CLEC5A: variants seen among roughly 807,000 people sequenced by gnomAD.
CLEC5A encodes C-type lectin domain containing 5A.
Under a neutral mutation model 24.4 loss-of-function variants are expected in CLEC5A, and 15 were observed. The ratio of observed to expected loss-of-function variants is 0.62; its 90% CI spans 0.41 to 0.95. The LOEUF is 0.95. Ranked by LOEUF, CLEC5A falls within the 40% of genes least tolerant of loss-of-function variation. The pLI is 0.00. For missense variants in CLEC5A, 211 were observed against 224.0 expected (o/e 0.94, Z 0.37); for synonymous variants, 71 against 72.6 (o/e 0.98, Z 0.11).
chr7:141,931,384 A>G, intron 6 of CLEC5A: 2 of 381,146 alleles, frequency 5.2e-6, no homozygotes, highest in Non-Finnish European at 9.3e-6. Flanking sequence ...TTTTTTGATC[A>G]GTCAGAAATG....
intron 4 of CLEC5A, among the ~76,000 whole-genome samples, chr7:141,943,073 G>A (rs776676187): frequency 1.1e-4 from 17 of 152,112 alleles, no homozygotes; most frequent in Non-Finnish European, 2.2e-4. Context: ...ACACTCTTAA[G>A]TATAGGCCCA....
At position 141,929,790 on chromosome 7, in the gene CLEC5A, G is replaced by A. The variant is rs533857263; in HGVS notation, c.*314C>T. The stretch of plus-strand genomic sequence containing the variant: ...CTCACTCTACAGTTACTCCCTAGTA[G>A]TATGGTATACTCTGAGGCTAAAATA... On this transcript the variant is annotated 3_prime_UTR_variant, in exon 7 of 7. Transcript: ENST00000546910. The A allele has an allele frequency of 8.8e-6, 2 of 226,564 alleles. No homozygotes were observed. The highest frequency in any genetic ancestry group is 1.7e-5 in the Non-Finnish European group (2 of 115,634). The allele number at this position is 226,564 out of a possible 1,614,324, so 14.0% of individuals were successfully genotyped here. A position where few individuals can be genotyped will look rare whatever the true frequency, so the allele number is the denominator to read the frequency against.
At chr7:141,931,881 G>A in intron 5 of CLEC5A, 55 bp from the exon 6 acceptor site, 2 of 762,168 alleles carry the variant, frequency 2.6e-6, no homozygotes, top group Admixed American at 4.2e-5. Flanking sequence ...CCTCTCTTGA[G>A]CCAATGTGCC....
intron 5 of CLEC5A, among the ~76,000 whole-genome samples, chr7:141,933,892 G>A (rs1055361268): frequency 2.6e-5 from 4 of 152,066 alleles, no homozygotes; most frequent in African/African-American, 9.7e-5. Flanking sequence ...AGGGAGAGCC[G>A]GCTGCGCAGC....
At chr7:141,942,517 A>G (rs1554441727) in intron 4 of CLEC5A, among the ~76,000 whole-genome samples, 3 of 152,198 alleles carry the variant, frequency 2.0e-5, no homozygotes, top group African/African-American at 7.2e-5. Flanking sequence ...GAAGTGAGCA[A>G]AGATTTCTTG....
chr7:141,937,440 C>T (rs1372112801), intron 4 of CLEC5A, among the ~76,000 whole-genome samples: 1 of 152,140 alleles, frequency 6.6e-6, no homozygotes, highest in Non-Finnish European at 1.5e-5. Context: ...GCTCCTCTGC[C>T]TGCAGAAAGG....
In CLEC5A at chr7:141,930,139, T is replaced by C. The variant is rs781904880; in HGVS notation, c.532A>G (p.Ser178Gly). ...KTFDAASCDISYRRICEKNAK is the reference protein window; with the variant it reads ...KTFDAASCDIGYRRICEKNAK ...TTCTTCTCACAGATCCTGCGGTAGC[T>C]GATGTCACATGATGCAGCATCAAAT... The change falls in exon 7 of 7, where the codon AGC becomes GGC. Residue 178 changes from serine to glycine, a missense_variant. Transcript: ENST00000546910. 2 of 1,614,176 alleles carry C rather than the reference T, an allele frequency of 1.2e-6. No individual in the cohort carries two copies. Among genetic ancestry groups the C allele is most frequent in the Non-Finnish European group, 1.7e-6 (2 of 1,180,016 alleles).
intron 4 of CLEC5A, among the ~76,000 whole-genome samples, chr7:141,940,204 A>C (rs1802744730): frequency 1.3e-5 from 2 of 152,154 alleles, no homozygotes; most frequent in Non-Finnish European, 2.9e-5. Flanking sequence ...CAAGCCTTAA[A>C]ACATTCAAAA....
chr7:141,930,886 T>C (rs1394649749), intron 6 of CLEC5A, among the ~76,000 whole-genome samples: 15 of 152,224 alleles, frequency 9.9e-5, no homozygotes, highest in African/African-American at 3.4e-4. Context: ...AAACAACATA[T>C]GCAAAGTGTT....
intron 4 of CLEC5A, among the ~76,000 whole-genome samples, chr7:141,936,582 G>A (rs1369965289): frequency 1.3e-5 from 2 of 152,166 alleles, no homozygotes; most frequent in Non-Finnish European, 2.9e-5. Context: ...GCCACTGTGA[G>A]CTGAATTGCT....
At chr7:141,931,634 G>A (rs782715095) in intron 6 of CLEC5A, 86 bp downstream of exon 6, 1 of 778,706 alleles carries the variant, frequency 1.3e-6, no homozygotes, top group African/African-American at 1.7e-5. Flanking sequence ...CAGCGTTTGA[G>A]CTATTCCAGG....
chr7:141,936,405 C>G, intron 4 of CLEC5A: 1 of 198,976 alleles, frequency 5.0e-6, no homozygotes, highest in Non-Finnish European at 1.0e-5. Context: ...AGGGAGTGTG[C>G]AGGGATTGTG....
chr7:141,945,853 C>T (rs781803299), intron 2 of CLEC5A: 10 of 312,280 alleles, frequency 3.2e-5, no homozygotes, highest in Admixed American at 1.4e-4. Flanking sequence ...TCAGCTCTTA[C>T]CATGGCCTTG....
intron 4 of CLEC5A, among the ~76,000 whole-genome samples, chr7:141,938,007 A>C (rs1428162157): frequency 6.6e-6 from 1 of 152,176 alleles, no homozygotes; most frequent in East Asian, 1.9e-4. Flanking sequence ...CTTAGGTCAC[A>C]GCACCCAAGT....
intron 4 of CLEC5A, among the ~76,000 whole-genome samples, chr7:141,937,016 G>A (rs1554441192): frequency 6.6e-6 from 1 of 151,980 alleles, no homozygotes; most frequent in South Asian, 2.1e-4. Context: ...TCCCTTACCT[G>A]CTGATGAAAG....
At chr7:141,941,534 G>A (rs1163857830) in intron 4 of CLEC5A, among the ~76,000 whole-genome samples, 2 of 151,838 alleles carry the variant, frequency 1.3e-5, no homozygotes, top group African/African-American at 2.4e-5. Context: ...GGCCGCACTC[G>A]CTTTCATCAC....
chr7:141,936,339 C>G (rs534261511), intron 4 of CLEC5A: 14 of 270,426 alleles, frequency 5.2e-5, no homozygotes, highest in African/African-American at 2.5e-4. Flanking sequence ...ACACCACCCC[C>G]ACCCTATCCC....
chr7:141,938,748 G>T (rs1243377810), intron 4 of CLEC5A, among the ~76,000 whole-genome samples: 1 of 152,078 alleles, frequency 6.6e-6, no homozygotes, highest in African/African-American at 2.4e-5. Context: ...CAAGAGAAAA[G>T]AAGCAAATAA....
chr7:141,932,549 C>T (rs1417409930), intron 5 of CLEC5A, among the ~76,000 whole-genome samples: 2 of 152,198 alleles, frequency 1.3e-5, no homozygotes, highest in Non-Finnish European at 2.9e-5. Flanking sequence ...TCCTTAGTTT[C>T]TCACTTTTCA....
Sources: gnomAD v4.1 joint callset for allele counts (sites outside exome capture counted in the v4.1 genomes callset) on GRCh38, gnomAD v4.1.1 for gene constraint, MANE v1.5 for transcripts, NCBI Gene and HGNC (gene_info 2026-07-23, HGNC 2026-07-21) for gene names.